The following BLM variants were observed in gnomAD, a reference collection of about 807,000 sequenced individuals.
BLM encodes the protein recQ-like DNA helicase BLM.
A neutral mutation model predicts 135.3 loss-of-function variants in BLM; 95 were observed. The ratio of observed to expected loss-of-function variants is 0.70; its 90% CI spans 0.59 to 0.83. The LOEUF (loss-of-function observed/expected upper bound fraction) is 0.83. Among genes scored for constraint, BLM ranks in the 40% least tolerant of loss-of-function variants. The pLI is 0.00. For synonymous variants in BLM, 520 were observed against 589.2 expected (o/e 0.88, Z 1.70); for missense variants, 1,518 against 1,663.9 (o/e 0.91, Z 1.53).
intron 1 of BLM, among the ~76,000 whole-genome samples, chr15:90,738,952 T>C: frequency 6.6e-6 from 1 of 152,316 alleles, no homozygotes; most frequent in South Asian, 2.1e-4. Flanking sequence ...TAAATTACCA[T>C]ATGATTCAGC....
At position 90,738,941 on chromosome 15, in the gene BLM, A is replaced by G. The variant is rs116008702; in HGVS notation, c.-4-8448A>G. On this transcript the variant is annotated intron_variant, in intron 1 of 21. Transcript: ENST00000355112. ...TGTGGTGGTTCCTTAAAAATTAAACATAAATTACCATATGATTCAGCAATT... is the reference window on the plus strand; with the variant it reads ...TGTGGTGGTTCCTTAAAAATTAAACGTAAATTACCATATGATTCAGCAATT... Among the ~76,000 whole-genome samples the G allele has an allele frequency of 8.6e-3, 1,303 of 152,376 alleles. 15 individuals are homozygous for G. The highest frequency in any genetic ancestry group is 0.03 in the African/African-American group (1,254 of 41,592).
At chr15:90,796,043 C>T (rs1430121780) in intron 16 of BLM, among the ~76,000 whole-genome samples, 1 of 152,102 alleles carries the variant, frequency 6.6e-6, no homozygotes, top group East Asian at 1.9e-4. Flanking sequence ...GCCCATGTGG[C>T]TGAGCAGGAT....
chr15:90,754,736 T>C (rs1230963996), intron 4 of BLM, 75 bp from the exon 5 acceptor site: 4 of 1,472,668 alleles, frequency 2.7e-6, no homozygotes, highest in Non-Finnish European at 3.7e-6. Flanking sequence ...TAGAAAAATA[T>C]TAAGGGTTTC....
rs1050583942 is a variant in BLM at position 90,749,658 on chromosome 15, A to T, written c.390A>T (p.Lys130Asn). 1.2e-6 allele frequency: 2 copies of T among 1,614,168 alleles called. No homozygotes were observed. Among genetic ancestry groups the T allele is most frequent in the South Asian group, 2.2e-5 (2 of 91,084 alleles). ...CCCAAAACACACCAACTGTAAAGAA[A>T]TCCCGGGATACTGCTCTCAAGAAAT... ...CTTQNTPTVKKSRDTALKKLE... is the reference protein window; with the variant it reads ...CTTQNTPTVKNSRDTALKKLE... Residue 130 changes from lysine to asparagine, a missense_variant, in exon 3 of 22, where the codon AAA becomes AAT. Lys to Asn is a moderately conservative substitution (Grantham distance 94). Coordinates refer to ENST00000355112, the MANE Select transcript of BLM (RefSeq NM_000057.4).
At chr15:90,740,385 C>A (rs1054664729) in intron 1 of BLM, among the ~76,000 whole-genome samples, 1 of 152,118 alleles carries the variant, frequency 6.6e-6, no homozygotes, top group Non-Finnish European at 1.5e-5. Context: ...TTTCAAGGCT[C>A]GTCATTACTG....
chr15:90,725,746 C>T (rs1450083420), intron 1 of BLM, among the ~76,000 whole-genome samples: 4 of 150,418 alleles, frequency 2.7e-5, no homozygotes, highest in African/African-American at 4.9e-5. Flanking sequence ...CTCCTGACCT[C>T]GTGATCCACC....
chr15:90,793,499 T>C (rs1339324502), intron 15 of BLM, among the ~76,000 whole-genome samples: 3 of 152,152 alleles, frequency 2.0e-5, no homozygotes, highest in Non-Finnish European at 2.9e-5. Flanking sequence ...TTCTCACACA[T>C]TGGAATCAAA....
intron 20 of BLM, among the ~76,000 whole-genome samples, chr15:90,809,851 T>C (rs1442782977): frequency 1.3e-5 from 2 of 152,126 alleles, no homozygotes; most frequent in African/African-American, 4.8e-5. Flanking sequence ...TTAGAAATCA[T>C]TGACCTGGGG....
intron 16 of BLM, among the ~76,000 whole-genome samples, chr15:90,796,358 G>A (rs1185681609): frequency 6.6e-6 from 1 of 152,184 alleles, no homozygotes; most frequent in East Asian, 1.9e-4. Flanking sequence ...AAAGGAGAAA[G>A]TATGAAATAG....
At chr15:90,759,525 T>C (rs1895904083) in intron 5 of BLM, among the ~76,000 whole-genome samples, 1 of 152,148 alleles carries the variant, frequency 6.6e-6, no homozygotes, top group Non-Finnish European at 1.5e-5. Flanking sequence ...GCCCAAGAGT[T>C]TGAGGGTTCA....
chr15:90,814,256 A>G (rs1355069248), intron 21 of BLM, among the ~76,000 whole-genome samples: 4 of 152,236 alleles, frequency 2.6e-5, no homozygotes, highest in African/African-American at 9.6e-5. Context: ...GGGGCCTGAC[A>G]TCAGCCGGTT....
chr15:90,749,238 A>C (rs1379357278), intron 2 of BLM, 129 bp from the exon 3 acceptor site: 1 of 671,090 alleles, frequency 1.5e-6, no homozygotes, highest in Non-Finnish European at 2.5e-6. Context: ...ATCGAGAGAG[A>C]TGGATTCTTT....
intron 1 of BLM, among the ~76,000 whole-genome samples, chr15:90,740,550 CA>C (rs1895337629): frequency 6.6e-6 from 1 of 152,064 alleles, no homozygotes; most frequent in Non-Finnish European, 1.5e-5. Flanking sequence ...AATTTGTGTA[CA>C]AGTATTTATT....
intron 1 of BLM, among the ~76,000 whole-genome samples, chr15:90,745,096 A>G (rs1445822106): frequency 6.6e-6 from 1 of 152,152 alleles, no homozygotes; most frequent in Non-Finnish European, 1.5e-5. Context: ...GGCCGATTCC[A>G]AATCTGGTGC....
intron 8 of BLM, among the ~76,000 whole-genome samples, chr15:90,764,610 A>C (rs1176434060): frequency 6.6e-6 from 1 of 152,072 alleles, no homozygotes; most frequent in African/African-American, 2.4e-5. Context: ...TCAGGCTCCC[A>C]AAGTGATGGG....
intron 12 of BLM, among the ~76,000 whole-genome samples, chr15:90,782,255 G>A (rs1293478503): frequency 6.6e-6 from 1 of 152,252 alleles, no homozygotes; most frequent in African/African-American, 2.4e-5. Context: ...GGGCGCGATG[G>A]TGGGCATCCA....
intron 1 of BLM, 84 bp downstream of exon 1, chr15:90,717,524 CG>C (rs1894637934): frequency 6.5e-6 from 1 of 152,790 alleles, no homozygotes; most frequent in South Asian, 2.1e-4. Context: ...GGAGGCCGCT[CG>C]GGTTCTTCCG....
At chr15:90,726,734 G>A (rs1894928338) in intron 1 of BLM, among the ~76,000 whole-genome samples, 1 of 152,134 alleles carries the variant, frequency 6.6e-6, no homozygotes, top group Non-Finnish European at 1.5e-5. Context: ...ATGTCCTCAG[G>A]TTCCATGTTG....
chr15:90,803,423 T>C lies in BLM; in HGVS notation c.3359-98T>C, dbSNP rs748186911. 376 of 1,051,688 alleles carry C rather than the reference T, an allele frequency of 3.6e-4. 1 individual carries two copies. Among genetic ancestry groups the C allele is most frequent in the Middle Eastern group, 2.1e-3 (8 of 3,852 alleles). 65.1% of individuals were successfully genotyped at this position (1,051,688 alleles called of 1,614,324 possible). A position where few individuals can be genotyped will look rare whatever the true frequency, so the allele number is the denominator to read the frequency against. ...GCCGGGGTTTGTGATCTATTCCATC[T>C]GTCCAAACCTGTCCATAAATGACTT... is the stretch of plus-strand genomic sequence containing the variant. On this transcript the variant is annotated intron_variant, in intron 17 of 21. Transcript: ENST00000355112.
Sources: gnomAD v4.1 joint callset for allele counts (sites outside exome capture counted in the v4.1 genomes callset) on GRCh38, gnomAD v4.1.1 for gene constraint, MANE v1.5 for transcripts, NCBI Gene and HGNC (gene_info 2026-07-23, HGNC 2026-07-21) for gene names.